SLC44A3: variants seen among roughly 807,000 people sequenced by gnomAD.
SLC44A3 encodes solute carrier family 44 member 3.
A neutral mutation model predicts 75.4 loss-of-function variants in SLC44A3; 74 were observed. The observed-to-expected ratio is 0.98, with a 90% CI of 0.81 to 1.19. The LOEUF (loss-of-function observed/expected upper bound fraction) is 1.19, where lower values mean the gene tolerates loss of function less well. SLC44A3 is among the 50% of genes most tolerant of loss of function. SLC44A3 has a pLI of 0.00. For missense variants in SLC44A3, 700 were observed against 778.6 expected, an observed-to-expected ratio of 0.90 and a Z score of 1.20; for synonymous variants, 310 against 296.9, an observed-to-expected ratio of 1.04 and a Z score of -0.45.
chr1:94,831,205 T>C (rs111278553), intron 5 of SLC44A3, among the ~76,000 whole-genome samples: 43 of 152,188 alleles, frequency 2.8e-4, no homozygotes, highest in African/African-American at 9.9e-4. Context: ...TAAATGCAAA[T>C]GTTTCCAATA....
chr1:94,864,841 C>CT lies in SLC44A3; in HGVS notation c.1338dup (p.Val447CysfsTer40). On this transcript the variant is annotated frameshift_variant, in exon 11 of 15. Coordinates refer to ENST00000271227, the MANE Select transcript of SLC44A3 (RefSeq NM_001114106.3). LOFTEE classifies it high-confidence loss of function. ...GTTGTGAAAGGGTCATTTTTAATCT[C>CT]TGTGGTGAGGATTCCGAGAATCATT... 6.2e-7 allele frequency: 1 copy of CT among 1,614,062 alleles called. No individual in the cohort carries two copies.
At chr1:94,869,730 G>A (rs1667554358) in intron 12 of SLC44A3, among the ~76,000 whole-genome samples, 1 of 152,202 alleles carries the variant, frequency 6.6e-6, no homozygotes. Context: ...TTTGGCAGTA[G>A]ACAAAGGAAA....
intron 12 of SLC44A3, among the ~76,000 whole-genome samples, chr1:94,886,423 G>A (rs1308391263): frequency 1.3e-5 from 2 of 152,128 alleles, no homozygotes; most frequent in African/African-American, 4.8e-5. Flanking sequence ...GACTCTTCCA[G>A]ACCTGTTTCC....
At chr1:94,832,874 G>A (rs181315847) in intron 5 of SLC44A3, among the ~76,000 whole-genome samples, 1 of 152,332 alleles carries the variant, frequency 6.6e-6, no homozygotes, top group East Asian at 1.9e-4. Flanking sequence ...AGCTGAGATG[G>A]GAGGATCTCT....
At chr1:94,851,483 C>A (rs1364686921) in intron 9 of SLC44A3, among the ~76,000 whole-genome samples, 3 of 152,190 alleles carry the variant, frequency 2.0e-5, no homozygotes, top group Non-Finnish European at 2.9e-5. Context: ...TGTCATCCCA[C>A]AAGAGGAAGA....
At chr1:94,831,132 T>C (rs975620128) in intron 5 of SLC44A3, among the ~76,000 whole-genome samples, 1 of 152,202 alleles carries the variant, frequency 6.6e-6, no homozygotes, top group Non-Finnish European at 1.5e-5. Context: ...AGAGTCTCCG[T>C]ATCCTGTGTC....
At chr1:94,871,238 G>C (rs962005559) in intron 12 of SLC44A3, among the ~76,000 whole-genome samples, 39 of 152,316 alleles carry the variant, frequency 2.6e-4, no homozygotes, top group African/African-American at 8.9e-4. Flanking sequence ...TGTGGAGGAA[G>C]ACGGGAAAGG....
rs139240340 is a variant in SLC44A3 at position 94,892,396 on chromosome 1, C to T, written c.1736C>T (p.Ala579Val). Residue 579 changes from alanine to valine, a missense_variant, in exon 14 of 15, where the codon GCC (alanine) becomes GTC (valine). Ala to Val is a moderately conservative substitution (Grantham distance 64). Coordinates refer to ENST00000271227, the MANE Select transcript of SLC44A3 (RefSeq NM_001114106.3). Reference protein sequence around the residue: ...LLVAFFAYLVAHSFLSVFETV... With the variant: ...LLVAFFAYLVVHSFLSVFETV... Reference sequence around the variant, plus strand: ...GTAGCTTTTTTTGCCTACTTAGTAGCCCATAGTTTTTTATCTGTGTTTGAA... The same window carrying T: ...GTAGCTTTTTTTGCCTACTTAGTAGTCCATAGTTTTTTATCTGTGTTTGAA... 9.0e-4 allele frequency: 1,456 copies of T among 1,614,104 alleles called. 2 individuals are homozygous for T. Among genetic ancestry groups the T allele is most frequent in the Non-Finnish European group, 1.2e-3 (1,386 of 1,180,012 alleles).
rs1371886720 is a variant in SLC44A3, at chr1:94,824,501, C to T, written c.144C>T (p.Ile48=). The change falls in exon 3 of 15, where the codon ATC becomes ATT. Residue 48 remains isoleucine, a synonymous_variant. Coordinates refer to ENST00000271227, the MANE Select transcript of SLC44A3 (RefSeq NM_001114106.3). ...GCCCCCGTTTTTGCCAGGTGTTTAT[C>T]ATGGGCTACTCGGTGGTGGCTGGAG... The part of the protein sequence containing the change: ...FFLFWTGLVF[I]MGYSVVAGAA... 2 of 1,601,880 alleles carry T rather than the reference C, an allele frequency of 1.2e-6. No individual in the cohort carries two copies.
chr1:94,859,176 G>A (rs1486132431), intron 10 of SLC44A3, among the ~76,000 whole-genome samples: 1 of 152,164 alleles, frequency 6.6e-6, no homozygotes, highest in African/African-American at 2.4e-5. Flanking sequence ...TTGCCAGCAG[G>A]TAATATTTGC....
intron 12 of SLC44A3, among the ~76,000 whole-genome samples, chr1:94,874,508 A>G (rs1441411246): frequency 6.6e-6 from 1 of 152,234 alleles, no homozygotes; most frequent in Non-Finnish European, 1.5e-5. Context: ...GCCTTCTCAG[A>G]GAGGGAAGTA....
In SLC44A3 at chr1:94,883,472, C is replaced by T. The variant is rs376869835; in HGVS notation, c.1483-7658C>T. ...AGTGAGCCATGATTGAGCCACTATA[C>T]TCCAGCCTGGGTGTCAGAGTGAGAC... On this transcript the variant is annotated intron_variant, in intron 12 of 14. Coordinates refer to ENST00000271227, the MANE Select transcript of SLC44A3 (RefSeq NM_001114106.3). 1.2e-4 allele frequency among the ~76,000 whole-genome samples: 18 copies of T among 152,292 alleles called. 1 individual carries two copies. The highest frequency in any genetic ancestry group is 8.5e-4 in the Admixed American group (13 of 15,300).
rs1474899013 is a variant in SLC44A3 at position 94,820,965 on chromosome 1, C to T, written c.44C>T (p.Ala15Val). ...TTCTGGAAGGTTTCTGCAGAAGGAG[C>T]CCCTAGGCAAAGGGAGTGGCGACCC... ...GAEYLVSAEG[A>V]PRQREWRPQI... The change falls in exon 2 of 15, where the codon GCC becomes GTC. Residue 15 changes from alanine (A) to valine (V), a missense_variant. By Grantham distance (64) the Ala-to-Val change is moderately conservative. Transcript: ENST00000271227. 2 of 1,551,086 alleles carry T rather than the reference C, an allele frequency of 1.3e-6. No individual in the cohort carries two copies. Among genetic ancestry groups the T allele is most frequent in the African/African-American group, 1.4e-5 (1 of 73,026 alleles).
At chr1:94,859,573 C>T (rs1319740808) in intron 10 of SLC44A3, among the ~76,000 whole-genome samples, 6 of 152,122 alleles carry the variant, frequency 3.9e-5, no homozygotes, top group African/African-American at 1.4e-4. Context: ...AAAGTATTTC[C>T]AAAGATTAGC....
intron 6 of SLC44A3, among the ~76,000 whole-genome samples, chr1:94,838,596 G>A (rs1386321957): frequency 6.6e-6 from 1 of 152,094 alleles, no homozygotes; most frequent in Non-Finnish European, 1.5e-5. Context: ...GAAACTCTTT[G>A]GTCAGACATT....
intron 12 of SLC44A3, among the ~76,000 whole-genome samples, chr1:94,875,241 AG>A (rs1668154368): frequency 6.6e-6 from 1 of 152,236 alleles, no homozygotes; most frequent in African/African-American, 2.4e-5. Flanking sequence ...ATTAGCCTAA[AG>A]GAAGTCCCTG....
At chr1:94,893,212 TTTTC>T (rs1482360218) in intron 14 of SLC44A3, among the ~76,000 whole-genome samples, 1 of 152,216 alleles carries the variant, frequency 6.6e-6, no homozygotes, top group African/African-American at 2.4e-5. Flanking sequence ...ATTTGCATAC[TTTTC>T]TTTCATTCTG....
In SLC44A3 at chr1:94,893,876, CAT is replaced by C. The variant is rs1472709934; in HGVS notation, c.1858-941_1858-940del. Among the ~76,000 whole-genome samples the C allele has an allele frequency of 2.6e-5, 4 of 151,896 alleles. No individual in the cohort carries two copies. The East Asian group carries it at 7.9e-4, about 30-fold the overall frequency. ...TTGGGAAGCCAAGGCAGGTGGATCA[CAT>C]GAGGTCAGGAATTTGAGACCAGCCT... On this transcript the variant is annotated intron_variant, in intron 14 of 14. Transcript: ENST00000271227.
chr1:94,820,743 G>A (rs952779149), intron 1 of SLC44A3: 5 of 1,393,556 alleles, frequency 3.6e-6, no homozygotes, highest in Admixed American at 3.0e-5. Flanking sequence ...TGGCGGCAGG[G>A]GGCTTAACAT....
Sources: gnomAD v4.1 joint callset for allele counts (sites outside exome capture counted in the v4.1 genomes callset) on GRCh38, gnomAD v4.1.1 for gene constraint, MANE v1.5 for transcripts, NCBI Gene and HGNC (gene_info 2026-07-23, HGNC 2026-07-21) for gene names.